CUBN: variants seen among roughly 807,000 people sequenced by gnomAD.
CUBN encodes cubilin.
Under a neutral mutation model 405.3 loss-of-function variants are expected in CUBN, and 282 were observed. The observed-to-expected ratio is 0.70, with a 90% CI of 0.63 to 0.77. The LOEUF is 0.77. Ranked by LOEUF, CUBN falls within the 30% of genes least tolerant of loss-of-function variation. The pLI is 0.00. For missense variants in CUBN, 4,514 were observed against 4,475.2 expected (o/e 1.01, Z -0.25); for synonymous variants, 1,684 against 1,617.0 (o/e 1.04, Z -0.99).
At chr10:17,001,307 T>G (rs1329867799) in intron 28 of CUBN, among the ~76,000 whole-genome samples, 1 of 152,226 alleles carries the variant, frequency 6.6e-6, no homozygotes, top group Non-Finnish European at 1.5e-5. Context: ...GGATTGCCAC[T>G]GGTGCGCAGG....
At chr10:16,963,612 G>C (rs1301457074) in intron 31 of CUBN, among the ~76,000 whole-genome samples, 2 of 152,014 alleles carry the variant, frequency 1.3e-5, no homozygotes, top group Non-Finnish European at 2.9e-5. Context: ...AAGAATATTC[G>C]GTACAAAAAG....
intron 27 of CUBN, among the ~76,000 whole-genome samples, chr10:17,026,246 C>G (rs909234464): frequency 1.3e-5 from 2 of 152,122 alleles, no homozygotes; most frequent in African/African-American, 4.8e-5. Context: ...ACTCACATCT[C>G]CTGGAAAAAC....
intron 53 of CUBN, among the ~76,000 whole-genome samples, chr10:16,899,757 T>C (rs553522748): frequency 1.7e-4 from 26 of 152,310 alleles, no homozygotes; most frequent in African/African-American, 6.0e-4. Context: ...AAAGAGGCAT[T>C]CTCCGAATCT....
intron 21 of CUBN, among the ~76,000 whole-genome samples, chr10:17,066,916 C>G (rs565287662): frequency 6.6e-6 from 1 of 152,004 alleles, no homozygotes; most frequent in African/African-American, 2.4e-5. Flanking sequence ...CAATGGCTCT[C>G]AAAACACTGG....
chr10:16,830,514 A>T (rs1838955580), intron 65 of CUBN, among the ~76,000 whole-genome samples: 1 of 152,234 alleles, frequency 6.6e-6, no homozygotes, highest in African/African-American at 2.4e-5. Flanking sequence ...GAAGATACTT[A>T]CTACCCTAAA....
At chr10:16,863,221 T>C (rs1840067844) in intron 59 of CUBN, among the ~76,000 whole-genome samples, 1 of 152,236 alleles carries the variant, frequency 6.6e-6, no homozygotes, top group South Asian at 2.1e-4. Flanking sequence ...GTCTTTAGGA[T>C]CATCCCCCAA....
At chr10:16,897,453 G>A (rs1841216799) in intron 54 of CUBN, among the ~76,000 whole-genome samples, 1 of 152,096 alleles carries the variant, frequency 6.6e-6, no homozygotes, top group Admixed American at 6.6e-5. Flanking sequence ...CTACCTGAGG[G>A]ACTCTGTGTG....
intron 48 of CUBN, among the ~76,000 whole-genome samples, chr10:16,910,045 CT>C (rs143089302): frequency 0.011 from 1,635 of 152,168 alleles, 28 homozygotes; most frequent in African/African-American, 0.037. Context: ...TCACTCTTTT[CT>C]TTTTTTTCTT....
At chr10:16,986,413 C>T (rs1027323441) in intron 29 of CUBN, among the ~76,000 whole-genome samples, 2 of 152,142 alleles carry the variant, frequency 1.3e-5, no homozygotes, top group Non-Finnish European at 2.9e-5. Flanking sequence ...AAGAAGCCTA[C>T]TTTGGGGAGG....
rs1340861909 is a variant in CUBN, at chr10:16,915,993, A to C, written c.7038T>G (p.Val2346=). ...GTGTTGGATGTCCAATGCTTTCAAC[A>C]ACACCACTTTGCCCTGGTACTCTTC... ...CGGRVPGQSG[V]VESIGHPTLP... The change falls in exon 46 of 67, where the codon GTT becomes GTG. Residue 2346 remains valine (V), a synonymous_variant. Coordinates refer to ENST00000377833, the MANE Select transcript of CUBN (RefSeq NM_001081.4). The C allele has an allele frequency of 6.2e-6, 10 of 1,614,170 alleles. No individual in the cohort carries two copies. Among genetic ancestry groups the C allele is most frequent in the Non-Finnish European group, 7.6e-6 (9 of 1,180,020 alleles).
Position 16,984,132 on chromosome 10 carries a change from T to C in CUBN, c.4498A>G (p.Asn1500Asp). 6.2e-7 allele frequency: 1 copy of C among 1,614,136 alleles called. No homozygotes were observed. The highest frequency in any genetic ancestry group is 8.5e-7 in the Non-Finnish European group (1 of 1,180,018). ...TDLSINGRGF[N>D]ASWQAVTGGC... The stretch of plus-strand genomic sequence containing the variant: ...CCAGTGACTGCTTGCCATGACGCAT[T>C]GAAGCCTCTCCCATTTATGGACAAG... The change falls in exon 30 of 67, where the codon AAT (asparagine) becomes GAT (aspartate). Residue 1500 changes from asparagine to aspartate, a missense_variant. This residue lies in a region of CUBN where 1,613 missense variants were observed against 1,542.8 expected (regional missense o/e 1.05). Transcript: ENST00000377833.
intron 28 of CUBN, among the ~76,000 whole-genome samples, chr10:16,995,033 T>C (rs1833693714): frequency 6.6e-6 from 1 of 152,086 alleles, no homozygotes; most frequent in African/African-American, 2.4e-5. Context: ...GGAAGTCGCA[T>C]TGAGCCGAGA....
intron 62 of CUBN, among the ~76,000 whole-genome samples, chr10:16,839,041 C>A (rs1839263258): frequency 6.6e-6 from 1 of 152,148 alleles, no homozygotes; most frequent in Admixed American, 6.6e-5. Context: ...TCTGTACTGA[C>A]CCTTTCAATT....
intron 59 of CUBN, among the ~76,000 whole-genome samples, chr10:16,851,831 ACT>A: frequency 3.7e-5 from 1 of 26,926 alleles, no homozygotes; most frequent in Admixed American, 4.3e-4. Context: ...TCCCTCCCTC[ACT>A]CTGTCTTTCC....
At chr10:16,954,612 G>A (rs923784275) in intron 31 of CUBN, 64 bp from the exon 32 acceptor site, 127 of 1,556,402 alleles carry the variant, frequency 8.2e-5, no homozygotes, top group Non-Finnish European at 1.1e-4. Flanking sequence ...TGTATTCCAC[G>A]AACTGTCTGC....
chr10:16,953,241 A>G (rs1413680267), intron 32 of CUBN, among the ~76,000 whole-genome samples: 1 of 152,214 alleles, frequency 6.6e-6, no homozygotes, highest in Non-Finnish European at 1.5e-5. Flanking sequence ...ACTTTTTACT[A>G]TGAAGCAACA....
intron 41 of CUBN, among the ~76,000 whole-genome samples, chr10:16,927,735 T>C (rs554908938): frequency 1.0e-3 from 154 of 152,368 alleles, no homozygotes; most frequent in African/African-American, 3.5e-3. Flanking sequence ...AAACTCTTCC[T>C]GCCAACCCTC....
At chr10:16,957,643 T>A (rs768003598) in intron 31 of CUBN, among the ~76,000 whole-genome samples, 37 of 152,282 alleles carry the variant, frequency 2.4e-4, no homozygotes, top group Non-Finnish European at 4.0e-4. Flanking sequence ...TGTAAATTGA[T>A]ACAGCCATTA....
At chr10:17,085,505 C>T in intron 16 of CUBN, 92 bp downstream of exon 16, 1 of 1,259,720 alleles carries the variant, frequency 7.9e-7, no homozygotes, top group Non-Finnish European at 1.2e-6. Flanking sequence ...GACAGTCAGT[C>T]ATCCTCTGAA....
Sources: allele counts gnomAD v4.1 joint callset (sites outside exome capture counted in the v4.1 genomes callset), GRCh38; gene constraint gnomAD v4.1.1; regional missense constraint gnomAD v4.1.1; transcripts MANE v1.5; gene names NCBI Gene and HGNC (gene_info 2026-07-23, HGNC 2026-07-21).